Variants in TMEM165 observed in about 807,000 individuals in gnomAD.
The protein encoded by TMEM165 is putative divalent cation/proton antiporter TMEM165.
In TMEM165, 19 loss-of-function variants were observed where a neutral mutation model predicts 30.0. The observed-to-expected ratio is 0.63, with a 90% CI of 0.44 to 0.93. The LOEUF (loss-of-function observed/expected upper bound fraction) is 0.93. TMEM165 is among the 40% of genes least tolerant of loss of function. The pLI is 0.00. For synonymous variants in TMEM165, 168 were observed against 162.9 expected (o/e 1.03, Z -0.24); for missense variants, 340 against 417.0 (o/e 0.82, Z 1.61).
chr4:55,434,688 A>G (rs1242546341), intron 3 of TMEM165: 2 of 152,686 alleles, frequency 1.3e-5, no homozygotes, highest in Non-Finnish European at 2.9e-5. Context: ...TGCCCCGGAA[A>G]AGTGAACAGA....
intron 2 of TMEM165, chr4:55,415,798 G>A (rs1472693871): frequency 6.6e-6 from 1 of 151,792 alleles, no homozygotes; most frequent in Non-Finnish European, 1.5e-5. Flanking sequence ...ATTTGTAAGT[G>A]TTGCACCCGT....
intron 2 of TMEM165, among the ~76,000 whole-genome samples, chr4:55,413,994 C>T (rs929762901): frequency 3.3e-5 from 5 of 152,118 alleles, no homozygotes; most frequent in East Asian, 1.9e-4. Flanking sequence ...ATAGGCTGGG[C>T]GCGGTGGCTC....
At chr4:55,441,471 G>C (rs1305218911) in intron 3 of TMEM165, among the ~76,000 whole-genome samples, 2 of 152,088 alleles carry the variant, frequency 1.3e-5, no homozygotes, top group East Asian at 3.9e-4. Flanking sequence ...CAAAGATATG[G>C]AATCAACCTA....
chr4:55,418,091 T>C, intron 4 of TMEM165, 106 bp downstream of exon 4: 1 of 1,063,848 alleles, frequency 9.4e-7, no homozygotes, highest in Non-Finnish European at 1.3e-6. Flanking sequence ...TTCCTTCATA[T>C]GCAAGACTGT....
At chr4:55,420,098 G>GAAAAA (rs370641089) in intron 4 of TMEM165, among the ~76,000 whole-genome samples, 2,492 of 42,088 alleles carry the variant, frequency 0.059, 180 homozygotes, top group South Asian at 0.13. Flanking sequence ...ACTATCTTAA[G>GAAAAA]AAAAAAAAAT....
chr4:55,429,662 G>A (rs529773536), downstream of TMEM165: 1 of 152,274 alleles, frequency 6.6e-6, no homozygotes, highest in East Asian at 1.9e-4. Context: ...TTCCCCAAAT[G>A]GGCAAAATAG....
At chr4:55,448,647 C>T in intron 3 of TMEM165, 1 of 559,460 alleles carries the variant, frequency 1.8e-6, no homozygotes, top group South Asian at 1.7e-5. Context: ...TGTGTGTGCT[C>T]CTACCTCAGC....
chr4:55,442,302 T>G, intron 3 of TMEM165: 1 of 798,586 alleles, frequency 1.3e-6, no homozygotes, highest in Non-Finnish European at 2.1e-6. Flanking sequence ...TTATTTCAAA[T>G]TTAAGAACAT....
intron 4 of TMEM165, among the ~76,000 whole-genome samples, chr4:55,419,829 G>A (rs1339881766): frequency 6.6e-6 from 1 of 151,850 alleles, no homozygotes; most frequent in African/African-American, 2.4e-5. Context: ...TAAGATAGAT[G>A]GGAAAGGCTA....
chr4:55,447,031 C>T (rs1274223596), intron 3 of TMEM165, among the ~76,000 whole-genome samples: 1 of 151,864 alleles, frequency 6.6e-6, no homozygotes, highest in Non-Finnish European at 1.5e-5. Context: ...CCTCAACTCC[C>T]TCAAGTTTTT....
intron 3 of TMEM165, among the ~76,000 whole-genome samples, chr4:55,451,902 C>T (rs1232892179): frequency 6.6e-6 from 1 of 152,168 alleles, no homozygotes; most frequent in Non-Finnish European, 1.5e-5. Flanking sequence ...CATCTAGATC[C>T]ATGCCGGGTA....
intron 2 of TMEM165, among the ~76,000 whole-genome samples, chr4:55,416,642 T>C (rs909229279): frequency 6.6e-6 from 1 of 152,200 alleles, no homozygotes; most frequent in Non-Finnish European, 1.5e-5. Context: ...GATTTAAAGA[T>C]TTGTGATGAA....
rs1304998966 is a variant in TMEM165, at chr4:55,411,634, T to C, written c.228T>C (p.Ala76=). 5 of 1,613,882 alleles carry C rather than the reference T, an allele frequency of 3.1e-6. 1 individual carries two copies. The South Asian group carries it at 5.5e-5, about 18-fold the overall frequency. ...ARVEKIFTPA[A]PVHTNKEDPA... ...TCCAGAAAATATTTACACCAGCAGC[T>C]CCAGTTCATACCAATAAAGAAGATC... The change falls in exon 2 of 6, where the codon GCT becomes GCC. Residue 76 remains alanine, a synonymous_variant. Transcript: ENST00000381334.
downstream of TMEM165, chr4:55,427,919 A>C (rs1049686435): frequency 6.6e-6 from 1 of 152,230 alleles, no homozygotes; most frequent in African/African-American, 2.4e-5. Flanking sequence ...GTGATCTTAA[A>C]ATATTTAATA....
At chr4:55,446,157 G>A (rs1560419085) in intron 3 of TMEM165, among the ~76,000 whole-genome samples, 1 of 140,084 alleles carries the variant, frequency 7.1e-6, no homozygotes, top group Non-Finnish European at 1.5e-5. Context: ...GCAGTGGTGT[G>A]ATCACAGCTT....
chr4:55,447,090 G>T (rs753758793), intron 3 of TMEM165, among the ~76,000 whole-genome samples: 2 of 151,700 alleles, frequency 1.3e-5, no homozygotes, highest in African/African-American at 4.8e-5. Context: ...ATTATGGCCG[G>T]GCATGGTGGC....
At chr4:55,438,177 C>G in intron 3 of TMEM165, 1 of 1,393,160 alleles carries the variant, frequency 7.2e-7, no homozygotes, top group South Asian at 1.2e-5. Context: ...GTACAATAAG[C>G]TTTTGTGAAT....
chr4:55,396,094 C>T lies in TMEM165; in HGVS notation c.-96C>T. 9.2e-7 allele frequency: 1 copy of T among 1,083,942 alleles called. No homozygotes were observed. Among genetic ancestry groups the T allele is most frequent in the Non-Finnish European group, 1.2e-6 (1 of 839,532 alleles). 67.1% of individuals were successfully genotyped at this position (1,083,942 alleles called of 1,614,324 possible). ...TCCCTAAGCGGCGGCGGCGGCGAGT[C>T]GTGAGGACGCGCCGCGGAGGCTGTT... On this transcript the variant is annotated 5_prime_UTR_variant, in exon 1 of 6. Transcript: ENST00000381334.
At chr4:55,396,437 G>T in intron 1 of TMEM165, 41 bp downstream of exon 1, 1 of 1,374,962 alleles carries the variant, frequency 7.3e-7, no homozygotes, top group Non-Finnish European at 9.3e-7. Flanking sequence ...TGCAGGGCCG[G>T]CTGCGCCGAG....
Sources: allele counts gnomAD v4.1 joint callset (sites outside exome capture counted in the v4.1 genomes callset), GRCh38; gene constraint gnomAD v4.1.1; transcripts MANE v1.5; gene names NCBI Gene and HGNC (gene_info 2026-07-23, HGNC 2026-07-21).